Variants in ASXL2 observed in about 807,000 individuals in gnomAD.
The protein encoded by ASXL2 is putative Polycomb group protein ASXL2.
ASXL2 carries 23 observed loss-of-function variants against 122.0 expected under a neutral mutation model. The ratio of observed to expected loss-of-function variants is 0.19; its 90% CI spans 0.14 to 0.27. ASXL2 has a LOEUF of 0.27. Ranked by LOEUF, ASXL2 falls within the 10% of genes least tolerant of loss-of-function variation. ASXL2 has a pLI of 1.00. For missense variants in ASXL2, 1,518 were observed against 1,713.8 expected (o/e 0.89, Z 2.02); for synonymous variants, 650 against 637.0 (o/e 1.02, Z -0.31).
chr2:25,779,930 C>T (rs1334341568), intron 5 of ASXL2, among the ~76,000 whole-genome samples: 9 of 152,216 alleles, frequency 5.9e-5, no homozygotes, highest in African/African-American at 2.2e-4. Context: ...TGCAATGGCA[C>T]GATCTTGGCT....
chr2:25,776,622 T>G (rs1234291863), intron 5 of ASXL2, among the ~76,000 whole-genome samples: 1 of 152,246 alleles, frequency 6.6e-6, no homozygotes, highest in Non-Finnish European at 1.5e-5. Context: ...CCACCAGGAA[T>G]GTACAAGGCC....
intron 3 of ASXL2, among the ~76,000 whole-genome samples, chr2:25,833,733 G>A (rs983584145): frequency 6.6e-6 from 1 of 151,796 alleles, no homozygotes; most frequent in Non-Finnish European, 1.5e-5. Flanking sequence ...GGGGAACTAT[G>A]CCCTCCCCTA....
In ASXL2 at chr2:25,807,410, T is replaced by C. The variant is rs567899072; in HGVS notation, c.144-1073A>G. On this transcript the variant is annotated intron_variant, in intron 3 of 12. Transcript: ENST00000435504. ...GTCGAAAATACAGAGAAGGTTTTCA[T>C]CCCCCCAAAACATTGGTGAATAATA... Among the ~76,000 whole-genome samples, 6 of 152,120 alleles carry C rather than the reference T, an allele frequency of 3.9e-5. No individual in the cohort carries two copies. The South Asian group carries it at 1.2e-3, about 32-fold the overall frequency.
intron 3 of ASXL2, among the ~76,000 whole-genome samples, chr2:25,819,741 G>A (rs1211834317): frequency 1.3e-5 from 2 of 152,216 alleles, no homozygotes; most frequent in Non-Finnish European, 2.9e-5. Flanking sequence ...AATACAACAT[G>A]TGATCCTGGA....
intron 3 of ASXL2, among the ~76,000 whole-genome samples, chr2:25,828,088 C>T (rs1343962373): frequency 6.7e-6 from 1 of 149,912 alleles, no homozygotes; most frequent in Non-Finnish European, 1.5e-5. Context: ...TTTAAGTAAA[C>T]AAATGAAATA....
In ASXL2 at chr2:25,767,005, G is replaced by T. The variant is rs140593296; in HGVS notation, c.775+578C>A. Among the ~76,000 whole-genome samples the T allele has an allele frequency of 9.2e-5, 14 of 152,226 alleles. No homozygotes were observed. In the East Asian group the frequency reaches 2.3e-3, roughly 25 times the overall value. Reference sequence around the variant, plus strand: ...TCCCTGGCAACTGCTCTTCAGCTCAGTGAAAAATTCTATCCAGTTTTCATC... The same window carrying T: ...TCCCTGGCAACTGCTCTTCAGCTCATTGAAAAATTCTATCCAGTTTTCATC... On this transcript the variant is annotated intron_variant, in intron 8 of 12. Transcript: ENST00000435504.
intron 5 of ASXL2, among the ~76,000 whole-genome samples, chr2:25,772,465 G>T (rs2088472109): frequency 1.3e-5 from 2 of 152,174 alleles, no homozygotes; most frequent in Non-Finnish European, 2.9e-5. Context: ...GTGTGCGGTG[G>T]CTCATGCCTC....
chr2:25,829,883 C>A (rs1040681705), intron 3 of ASXL2, among the ~76,000 whole-genome samples: 3 of 152,206 alleles, frequency 2.0e-5, no homozygotes, highest in African/African-American at 7.2e-5. Flanking sequence ...CCCGCTCTCA[C>A]AAGATGCTGA....
chr2:25,788,635 G>C (rs923306165), intron 5 of ASXL2, among the ~76,000 whole-genome samples: 3 of 152,104 alleles, frequency 2.0e-5, no homozygotes, highest in African/African-American at 7.2e-5. Context: ...TTTGGACTTT[G>C]GTGGGTGTGT....
intron 5 of ASXL2, among the ~76,000 whole-genome samples, chr2:25,778,433 C>A (rs1327661375): frequency 6.6e-6 from 1 of 152,188 alleles, no homozygotes; most frequent in African/African-American, 2.4e-5. Flanking sequence ...GTAGGGAGTG[C>A]AGACACGCCA....
intron 8 of ASXL2, among the ~76,000 whole-genome samples, chr2:25,765,543 A>G (rs1198455975): frequency 5.3e-5 from 8 of 152,086 alleles, no homozygotes; most frequent in Non-Finnish European, 1.2e-4. Context: ...TTTCCACACT[A>G]TTTCCCTTTA....
rs59180424 is a variant in ASXL2, at chr2:25,784,053, CTAAATAAATAAATAAA to C, written c.404-12529_404-12514del. On this transcript the variant is annotated intron_variant, in intron 5 of 12. Coordinates refer to ENST00000435504, the MANE Select transcript of ASXL2 (RefSeq NM_018263.6). ...TGGGCGAAAGAGTGAAACTCCATCT[CTAAATAAATAAATAAA>C]TAAATAAATAAATAAATAAATAAAT... Among the ~76,000 whole-genome samples the C allele has an allele frequency of 3.8e-3, 531 of 138,460 alleles. 1 individual carries two copies. Among genetic ancestry groups the C allele is most frequent in the African/African-American group, 0.013 (463 of 36,728 alleles). 90.8% of individuals were successfully genotyped at this position (138,460 alleles called of 152,430 possible). A position where few individuals can be genotyped will look rare whatever the true frequency, so the allele number is the denominator to read the frequency against.
chr2:25,746,992 G>T (rs557686853), intron 12 of ASXL2, among the ~76,000 whole-genome samples: 5 of 152,112 alleles, frequency 3.3e-5, no homozygotes, highest in African/African-American at 1.2e-4. Context: ...ATAAAATGGC[G>T]TAGTATTTGC....
At position 25,743,802 on chromosome 2, in the gene ASXL2, T is replaced by G; in HGVS notation, c.2535A>C (p.Ser845=). ...PTGPALISGA[S]PVHCAADGTV... ...TGCCATCAGCTGCACAATGAACAGG[T>G]GAGGCACCTGAGATTAGAGCAGGAC... The change falls in exon 13 of 13, where the codon TCA becomes TCC. Residue 845 remains serine, a synonymous_variant. Coordinates refer to ENST00000435504, the MANE Select transcript of ASXL2 (RefSeq NM_018263.6). 1 of 1,613,988 alleles carries G rather than the reference T, an allele frequency of 6.2e-7. No individual in the cohort carries two copies. Among genetic ancestry groups the G allele is most frequent in the Non-Finnish European group, 8.5e-7 (1 of 1,179,882 alleles).
intron 11 of ASXL2, among the ~76,000 whole-genome samples, chr2:25,751,304 TAGAA>T (rs926333836): frequency 6.6e-6 from 1 of 152,074 alleles, no homozygotes; most frequent in Admixed American, 6.5e-5. Context: ...TAGTTGAAAA[TAGAA>T]AGACCCACGA....
intron 8 of ASXL2, among the ~76,000 whole-genome samples, chr2:25,760,723 T>C (rs540571885): frequency 6.6e-6 from 1 of 152,338 alleles, no homozygotes; most frequent in South Asian, 2.1e-4. Flanking sequence ...AATTAAAATC[T>C]GGCATTACTA....
chr2:25,757,674 C>CAAAAAAAAAAAAAAAAAAA (rs60732948), intron 9 of ASXL2, among the ~76,000 whole-genome samples: 1 of 35,818 alleles, frequency 2.8e-5, no homozygotes, highest in Non-Finnish European at 4.6e-5. Flanking sequence ...GACTCCATCT[C>CAAAAAAAAAAAAAAAAAAA]AAAAAAAAAA....
intron 1 of ASXL2, among the ~76,000 whole-genome samples, 157 bp downstream of exon 1, chr2:25,878,009 C>T (rs1450772281): frequency 6.6e-6 from 1 of 152,242 alleles, no homozygotes; most frequent in East Asian, 1.9e-4. Context: ...TCCATTCCCA[C>T]AGGGATCGCA....
intron 2 of ASXL2, 24 bp downstream of exon 2, chr2:25,845,457 A>G (rs1169750805): frequency 5.0e-6 from 7 of 1,387,852 alleles, no homozygotes; most frequent in Non-Finnish European, 6.7e-6. Context: ...TATAATTATT[A>G]CTAAAAATAT....
Sources: gnomAD v4.1 joint callset for allele counts (sites outside exome capture counted in the v4.1 genomes callset) on GRCh38, gnomAD v4.1.1 for gene constraint, MANE v1.5 for transcripts, NCBI Gene and HGNC (gene_info 2026-07-23, HGNC 2026-07-21) for gene names.